Variants in COMMD10 observed in about 807,000 individuals in gnomAD.
COMMD10 encodes COMM domain-containing protein 10.
COMMD10 carries 33 observed loss-of-function variants against 28.9 expected under a neutral mutation model. The observed-to-expected ratio is 1.14, with a 90% confidence interval of 0.87 to 1.53. The LOEUF (loss-of-function observed/expected upper bound fraction) is 1.53. Ranked by LOEUF, COMMD10 falls within the 40% of genes most tolerant of loss-of-function variation. The probability of loss-of-function intolerance (pLI) is 0.00; values close to 1 mark genes in which losing one functional copy is unlikely to be tolerated. For synonymous variants in COMMD10, 110 were observed against 81.7 expected, an observed-to-expected ratio of 1.35 and a Z score of -1.87; for missense variants, 310 against 233.4, an observed-to-expected ratio of 1.33 and a Z score of -2.14.
chr5:116,180,106 T>G (rs1400817469), intron 5 of COMMD10, among the ~76,000 whole-genome samples: 5 of 152,130 alleles, frequency 3.3e-5, no homozygotes, highest in Non-Finnish European at 7.4e-5. Context: ...TTTCCATATC[T>G]TTGGACAGTC....
intron 5 of COMMD10, among the ~76,000 whole-genome samples, chr5:116,282,807 C>T (rs997096371): frequency 3.3e-5 from 5 of 151,804 alleles, no homozygotes; most frequent in Admixed American, 2.0e-4. Flanking sequence ...TACATTTTAC[C>T]TTAATTACCT....
At chr5:116,176,060 AAATGTTCTGAGCTTG>A (rs1753499527) in intron 5 of COMMD10, among the ~76,000 whole-genome samples, 2 of 151,858 alleles carry the variant, frequency 1.3e-5, no homozygotes, top group Admixed American at 6.6e-5. Context: ...TTAGAAAAAA[AAATGTTCTGAGCTTG>A]AATGTCACAT....
intron 4 of COMMD10, among the ~76,000 whole-genome samples, chr5:116,104,986 A>G (rs1750791744): frequency 6.6e-6 from 1 of 152,142 alleles, no homozygotes; most frequent in Non-Finnish European, 1.5e-5. Context: ...AGAACTTCCA[A>G]TACTGTGTTG....
At chr5:116,236,504 CAAAAA>C (rs34066036) in intron 5 of COMMD10, among the ~76,000 whole-genome samples, 4 of 79,612 alleles carry the variant, frequency 5.0e-5, no homozygotes, top group African/African-American at 1.3e-4. Context: ...GACTCCGTCT[CAAAAA>C]AAAAAAAAAA....
intron 5 of COMMD10, among the ~76,000 whole-genome samples, chr5:116,140,471 C>A (rs1311676100): frequency 5.9e-5 from 9 of 151,822 alleles, no homozygotes; most frequent in East Asian, 5.8e-4. Flanking sequence ...CCTGGTAGTT[C>A]TAATTTGAAT....
At chr5:116,188,219 C>G (rs1748206160) in intron 5 of COMMD10, among the ~76,000 whole-genome samples, 1 of 152,108 alleles carries the variant, frequency 6.6e-6, no homozygotes, top group African/African-American at 2.4e-5. Context: ...TCCTAAGGGA[C>G]AAGCTTTGAT....
chr5:116,218,736 A>G (rs1749168296), intron 5 of COMMD10, among the ~76,000 whole-genome samples: 1 of 152,104 alleles, frequency 6.6e-6, no homozygotes, highest in South Asian at 2.1e-4. Context: ...ATACTATGAG[A>G]ACATTTTAGG....
chr5:116,150,074 T>A lies in COMMD10; in HGVS notation c.510+15896T>A, dbSNP rs914944756. On this transcript the variant is annotated intron_variant, in intron 5 of 6. Transcript: ENST00000274458. ...GGATCCATTTTCAGCTTTCTACATA[T>A]GGCTAGCCAGTTTCCCCAGCACCAT... Among the ~76,000 whole-genome samples the A allele has an allele frequency of 7.2e-5, 11 of 152,306 alleles. 1 individual carries two copies. Among genetic ancestry groups the A allele is most frequent in the African/African-American group, 2.4e-4 (10 of 41,578 alleles).
intron 5 of COMMD10, among the ~76,000 whole-genome samples, chr5:116,201,953 T>C (rs899224248): frequency 6.6e-6 from 1 of 151,722 alleles, no homozygotes; most frequent in African/African-American, 2.4e-5. Context: ...TAGTTACATA[T>C]GTATACATGT....
intron 5 of COMMD10, among the ~76,000 whole-genome samples, chr5:116,218,835 A>C (rs1169310972): frequency 6.6e-6 from 1 of 152,174 alleles, no homozygotes; most frequent in Non-Finnish European, 1.5e-5. Flanking sequence ...TTAGCTTTGA[A>C]TAGGGCGTTG....
intron 5 of COMMD10, among the ~76,000 whole-genome samples, chr5:116,159,799 C>T (rs1271147255): frequency 6.6e-6 from 1 of 152,130 alleles, no homozygotes; most frequent in Non-Finnish European, 1.5e-5. Flanking sequence ...AAAAGGAATG[C>T]ATGGTCTGGG....
At chr5:116,254,894 G>A (rs1368046333) in intron 5 of COMMD10, among the ~76,000 whole-genome samples, 1 of 151,344 alleles carries the variant, frequency 6.6e-6, no homozygotes, top group East Asian at 1.9e-4. Context: ...TATTGACAGT[G>A]GGGTGTTAAA....
Position 116,291,499 on chromosome 5 carries a change from T to C in COMMD10, c.511-18T>C. 2.5e-6 allele frequency: 4 copies of C among 1,573,014 alleles called. No homozygotes were observed. The highest frequency in any genetic ancestry group is 1.2e-5 in the South Asian group (1 of 85,960). On this transcript the variant is annotated intron_variant, in intron 5 of 6. Transcript: ENST00000274458. ...TTGTGTGCAACTACATTCTTTTTGT[T>C]GTTTTTCTTCCTTACAGAGCCTGGA...
chr5:116,265,980 G>A (rs1202511494), intron 5 of COMMD10, among the ~76,000 whole-genome samples: 3 of 151,776 alleles, frequency 2.0e-5, no homozygotes, highest in African/African-American at 4.9e-5. Context: ...TATGTGTTAG[G>A]TGCTGCATTA....
At chr5:116,246,162 A>G (rs1749947751) in intron 5 of COMMD10, among the ~76,000 whole-genome samples, 3 of 152,152 alleles carry the variant, frequency 2.0e-5, no homozygotes. Flanking sequence ...GAGTGTGCAA[A>G]AATCGCTAGG....
chr5:116,216,507 C>T (rs1224880535), intron 5 of COMMD10, among the ~76,000 whole-genome samples: 1 of 152,090 alleles, frequency 6.6e-6, no homozygotes, highest in Non-Finnish European at 1.5e-5. Context: ...TTACACATGT[C>T]TAGCATAGAA....
At chr5:116,135,855 C>T (rs1006328771) in intron 5 of COMMD10, among the ~76,000 whole-genome samples, 1 of 152,128 alleles carries the variant, frequency 6.6e-6, no homozygotes, top group Non-Finnish European at 1.5e-5. Context: ...ACTGTGTGCT[C>T]TGCAGTTTAG....
At chr5:116,215,292 A>G (rs1749066769) in intron 5 of COMMD10, among the ~76,000 whole-genome samples, 1 of 152,168 alleles carries the variant, frequency 6.6e-6, no homozygotes, top group Non-Finnish European at 1.5e-5. Flanking sequence ...TATAAAGTTT[A>G]TATCAAAGAA....
chr5:116,190,471 G>T (rs558100144), intron 5 of COMMD10, among the ~76,000 whole-genome samples: 4 of 152,260 alleles, frequency 2.6e-5, no homozygotes, highest in Admixed American at 1.3e-4. Context: ...TTTATAGTTT[G>T]ATAAATACCC....
Sources: gnomAD v4.1 joint callset for allele counts (sites outside exome capture counted in the v4.1 genomes callset) on GRCh38, gnomAD v4.1.1 for gene constraint, MANE v1.5 for transcripts, NCBI Gene and HGNC (gene_info 2026-07-23, HGNC 2026-07-21) for gene names.